TTC27: variants seen among roughly 807,000 people sequenced by gnomAD.
TTC27 encodes tetratricopeptide repeat domain 27.
Under a neutral mutation model 115.9 loss-of-function variants are expected in TTC27, and 79 were observed. The ratio of observed to expected loss-of-function variants is 0.68; its 90% CI spans 0.57 to 0.82. The LOEUF (loss-of-function observed/expected upper bound fraction) is 0.82, where lower values mean the gene tolerates loss of function less well. Ranked by LOEUF, TTC27 falls within the 40% of genes least tolerant of loss-of-function variation. The pLI is 0.00. For missense variants in TTC27, 1,054 were observed against 993.1 expected, an observed-to-expected ratio of 1.06 and a Z score of -0.82; for synonymous variants, 401 against 356.0, an observed-to-expected ratio of 1.13 and a Z score of -1.42.
chr2:32,651,839 G>A (rs1665138696), intron 5 of TTC27, among the ~76,000 whole-genome samples: 1 of 152,124 alleles, frequency 6.6e-6, no homozygotes, highest in African/African-American at 2.4e-5. Flanking sequence ...AATTCAAATA[G>A]AGATAATAAT....
At chr2:32,646,972 GTTTT>G (rs530657649) in intron 4 of TTC27, among the ~76,000 whole-genome samples, 2 of 147,200 alleles carry the variant, frequency 1.4e-5, no homozygotes, top group South Asian at 4.3e-4. Context: ...TTTTTTGTTT[GTTTT>G]TTGTTTTTTT....
At chr2:32,749,168 C>A (rs1396448972) in intron 12 of TTC27, among the ~76,000 whole-genome samples, 2 of 152,212 alleles carry the variant, frequency 1.3e-5, no homozygotes, top group Non-Finnish European at 2.9e-5. Context: ...TTTACCACCT[C>A]AGGCAGCTGC....
rs757387578 is a variant in TTC27, at chr2:32,777,995, T to C, written c.1779+15T>C. On this transcript the variant is annotated intron_variant, in intron 14 of 19. Transcript: ENST00000317907. ...TAGAACCCGATGTAAGTTTGTTTGA[T>C]CTTCTGTCCTTACGTGGCTCTTTAC... The C allele has an allele frequency of 1.9e-6, 3 of 1,613,054 alleles. No individual in the cohort carries two copies. The highest frequency in any genetic ancestry group is 1.7e-5 in the Admixed American group (1 of 60,000).
intron 11 of TTC27, among the ~76,000 whole-genome samples, chr2:32,734,408 G>A (rs1668388143): frequency 6.6e-6 from 1 of 152,130 alleles, no homozygotes; most frequent in Non-Finnish European, 1.5e-5. Flanking sequence ...TTATTTTAAG[G>A]ACTTTCTGCC....
chr2:32,762,704 G>C (rs928029990), intron 13 of TTC27, among the ~76,000 whole-genome samples: 22 of 151,926 alleles, frequency 1.4e-4, no homozygotes, highest in Non-Finnish European at 1.5e-5. Flanking sequence ...CGCGATCTCA[G>C]CTTCTCAGCT....
At chr2:32,747,006 A>C (rs923418773) in intron 12 of TTC27, among the ~76,000 whole-genome samples, 14 of 152,320 alleles carry the variant, frequency 9.2e-5, no homozygotes, top group Middle Eastern at 3.4e-3. Flanking sequence ...AGGTCAGTTC[A>C]GACCAAGCAG....
intron 4 of TTC27, among the ~76,000 whole-genome samples, chr2:32,641,239 G>A (rs1664636144): frequency 6.6e-6 from 1 of 152,180 alleles, no homozygotes; most frequent in Non-Finnish European, 1.5e-5. Context: ...CTAATATGCA[G>A]AAAGAAAAGA....
intron 18 of TTC27, 27 bp downstream of exon 18, chr2:32,812,642 T>C: frequency 6.5e-7 from 1 of 1,543,904 alleles, no homozygotes; most frequent in Non-Finnish European, 9.0e-7. Context: ...TTGATATCCA[T>C]GGAATGTTTT....
At chr2:32,755,364 C>A (rs577625535) in intron 12 of TTC27, among the ~76,000 whole-genome samples, 23 of 152,312 alleles carry the variant, frequency 1.5e-4, no homozygotes, top group Admixed American at 9.8e-4. Context: ...GCGGATCACT[C>A]GCGGTTAGGA....
Position 32,674,913 on chromosome 2 carries a change from C to T in TTC27, c.1052+2529C>T, listed in dbSNP as rs867419635. ...TCCTGACCTCGTAATCCGCCCACCT[C>T]GGCCTCCCAAAGTGCTGGGATTACA... On this transcript the variant is annotated intron_variant, in intron 8 of 19. Transcript: ENST00000317907. Among the ~76,000 whole-genome samples, 76 of 152,082 alleles carry T rather than the reference C, an allele frequency of 5.0e-4. 1 individual carries two copies. The highest frequency in any genetic ancestry group is 1.8e-4 in the Non-Finnish European group (12 of 68,016).
At chr2:32,690,637 A>G (rs1298492131) in intron 9 of TTC27, among the ~76,000 whole-genome samples, 2 of 152,188 alleles carry the variant, frequency 1.3e-5, no homozygotes, top group Non-Finnish European at 2.9e-5. Flanking sequence ...GGGAGAATGT[A>G]AGTTGTATTT....
intron 13 of TTC27, among the ~76,000 whole-genome samples, chr2:32,767,458 T>TG (rs1302991919): frequency 9.2e-5 from 13 of 140,848 alleles, no homozygotes; most frequent in African/African-American, 3.2e-4. Flanking sequence ...TTTTTGTTTT[T>TG]TTTTTTTTTT....
At chr2:32,790,520 G>A (rs1670501254) in intron 16 of TTC27, among the ~76,000 whole-genome samples, 1 of 152,110 alleles carries the variant, frequency 6.6e-6, no homozygotes, top group South Asian at 2.1e-4. Flanking sequence ...AATGTGGAAT[G>A]ATTAGATCAG....
intron 1 of TTC27, among the ~76,000 whole-genome samples, chr2:32,629,440 T>C (rs1386757976): frequency 6.6e-6 from 1 of 150,842 alleles, no homozygotes; most frequent in African/African-American, 2.4e-5. Flanking sequence ...TGATTTATTT[T>C]TTTTATTTTT....
chr2:32,715,742 A>G (rs2151907599), intron 10 of TTC27, among the ~76,000 whole-genome samples: 1 of 152,288 alleles, frequency 6.6e-6, no homozygotes, highest in African/African-American at 2.4e-5. Flanking sequence ...GTAATGATTA[A>G]GGGCATGTCA....
intron 16 of TTC27, among the ~76,000 whole-genome samples, chr2:32,788,266 A>G (rs1450120530): frequency 2.0e-5 from 3 of 152,104 alleles, no homozygotes; most frequent in African/African-American, 4.8e-5. Context: ...TTCAAATCCA[A>G]CACTCCTCAT....
intron 5 of TTC27, among the ~76,000 whole-genome samples, chr2:32,658,082 C>T (rs892022404): frequency 6.6e-6 from 1 of 152,304 alleles, no homozygotes; most frequent in South Asian, 2.1e-4. Context: ...ACCACCTTGG[C>T]CTCCCAAAGT....
intron 8 of TTC27, among the ~76,000 whole-genome samples, chr2:32,674,214 G>A (rs986535876): frequency 1.4e-4 from 21 of 150,490 alleles, no homozygotes; most frequent in African/African-American, 4.9e-4. Context: ...GCAGTGGCGC[G>A]ATCTCGGCTC....
intron 8 of TTC27, among the ~76,000 whole-genome samples, chr2:32,674,154 CTT>C (rs1296988706): frequency 1.4e-4 from 20 of 142,354 alleles, no homozygotes; most frequent in Admixed American, 2.1e-4. Flanking sequence ...AAATCTTGTT[CTT>C]TTTTTTTTTT....
Sources: allele counts gnomAD v4.1 joint callset (sites outside exome capture counted in the v4.1 genomes callset), GRCh38; gene constraint gnomAD v4.1.1; transcripts MANE v1.5; gene names NCBI Gene and HGNC (gene_info 2026-07-23, HGNC 2026-07-21).